FAAH2: variants seen among roughly 807,000 people sequenced by gnomAD.
FAAH2 encodes fatty acid amide hydrolase 2, also known as fatty-acid amide hydrolase 2.
A neutral mutation model predicts 36.9 loss-of-function variants in FAAH2; 60 were observed. The ratio of observed to expected loss-of-function variants is 1.63; its 90% CI spans 1.32 to 2.02. The LOEUF (loss-of-function observed/expected upper bound fraction) is 2.02, where lower values mean the gene tolerates loss of function less well. FAAH2 is among the 30% of genes most tolerant of loss of function. The probability of loss-of-function intolerance (pLI) is 0.00; values close to 1 mark genes in which losing one functional copy is unlikely to be tolerated. For synonymous variants in FAAH2, 214 were observed against 143.8 expected (o/e 1.49, Z -3.49); for missense variants, 689 against 397.5 (o/e 1.73, Z -6.23).
At chrX:57,415,098 T>A (rs918219356) in intron 7 of FAAH2, among the ~76,000 whole-genome samples, 1 of 110,359 alleles carries the variant, frequency 9.1e-6, no homozygotes, top group Non-Finnish European at 1.9e-5. Flanking sequence ...TTTTATTGCA[T>A]CTACTTGATT....
At chrX:57,276,357 G>T in the FAAH2 span, among the ~76,000 whole-genome samples, 1 of 111,827 alleles carries the variant, frequency 8.9e-6, no homozygotes, top group African/African-American at 3.3e-5. Context: ...CAGAAATAAA[G>T]ATGTTCTCTG....
intron 3 of FAAH2, among the ~76,000 whole-genome samples, chrX:57,330,568 T>G (rs775044369): frequency 9.0e-6 from 1 of 111,128 alleles, no homozygotes; most frequent in East Asian, 2.9e-4. Flanking sequence ...TGTTGTGAAG[T>G]AGGTGATCTT....
At chrX:57,363,846 G>C (rs1307170659) in intron 5 of FAAH2, among the ~76,000 whole-genome samples, 2 of 110,666 alleles carry the variant, frequency 1.8e-5, no homozygotes, top group African/African-American at 6.6e-5. Context: ...AAGGAAATCT[G>C]TTTATGTGGT....
At chrX:57,135,127 T>TC in the FAAH2 span, 2 of 112,078 alleles carry the variant, frequency 1.8e-5, no homozygotes, top group Non-Finnish European at 3.7e-5. Flanking sequence ...TTTGAATTCC[T>TC]CCTTCCTCAG....
intron 5 of FAAH2, among the ~76,000 whole-genome samples, chrX:57,347,886 G>A (rs1027377349): frequency 1.8e-5 from 2 of 109,860 alleles, no homozygotes; most frequent in Non-Finnish European, 3.8e-5. Flanking sequence ...CTAGTAAATG[G>A]CATATAATGG....
In FAAH2 at chrX:57,436,913, A is replaced by G. The variant is rs755368007; in HGVS notation, c.1116+4876A>G. Among the ~76,000 whole-genome samples, 7 of 111,249 alleles carry G rather than the reference A, an allele frequency of 6.3e-5. No homozygotes were observed. In the East Asian group the frequency reaches 1.4e-3, roughly 22 times the overall value. On this transcript the variant is annotated intron_variant, in intron 8 of 10. Coordinates refer to ENST00000374900, the MANE Select transcript of FAAH2 (RefSeq NM_174912.4). ...ACTATCACCCTGATACCAAAACCAT[A>G]CAAGAACACAACAACCACAGAAAAA...
At chrX:57,327,530 G>A (rs1224089167) in intron 3 of FAAH2, among the ~76,000 whole-genome samples, 2 of 109,513 alleles carry the variant, frequency 1.8e-5, no homozygotes, top group African/African-American at 6.7e-5. Flanking sequence ...TTGGATGCTG[G>A]TTCATTTCTT....
At chrX:57,126,255 G>A in the FAAH2 span, among the ~76,000 whole-genome samples, 6 of 112,338 alleles carry the variant, frequency 5.3e-5, no homozygotes, top group African/African-American at 1.9e-4. Flanking sequence ...TGTATGGCTA[G>A]AAAGGTTTAT....
chrX:57,181,844 T>C, the FAAH2 span, among the ~76,000 whole-genome samples: 1 of 111,932 alleles, frequency 8.9e-6, no homozygotes, highest in Non-Finnish European at 1.9e-5. Context: ...AGGGCTGCAA[T>C]AATCAAAACT....
intron 7 of FAAH2, among the ~76,000 whole-genome samples, chrX:57,428,155 T>C (rs1602629528): frequency 9.0e-6 from 1 of 111,653 alleles, no homozygotes; most frequent in East Asian, 2.8e-4. Flanking sequence ...ACAATAGCTG[T>C]AAAAATAAAA....
At chrX:57,289,786 AT>A (rs1183310639) in intron 1 of FAAH2, among the ~76,000 whole-genome samples, 5 of 111,279 alleles carry the variant, frequency 4.5e-5, no homozygotes, top group African/African-American at 1.6e-4. Flanking sequence ...GTACTGAACA[AT>A]GAATATAATA....
At chrX:57,161,421 C>G in the FAAH2 span, among the ~76,000 whole-genome samples, 1 of 110,712 alleles carries the variant, frequency 9.0e-6, no homozygotes, top group Non-Finnish European at 1.9e-5. Context: ...TCCTTGTTAA[C>G]TTTCTGTCTT....
At chrX:57,314,410 A>G (rs2052778899) in intron 3 of FAAH2, among the ~76,000 whole-genome samples, 1 of 110,844 alleles carries the variant, frequency 9.0e-6, no homozygotes, top group East Asian at 2.8e-4. Context: ...TCTACAAAAT[A>G]CTCCACCCAA....
the FAAH2 span, among the ~76,000 whole-genome samples, chrX:57,172,296 T>C: frequency 1.8e-5 from 2 of 111,704 alleles, no homozygotes; most frequent in Non-Finnish European, 1.9e-5. Flanking sequence ...GAAATTGAGA[T>C]GGGAAGAGTT....
intron 8 of FAAH2, among the ~76,000 whole-genome samples, chrX:57,444,521 G>A (rs1177801681): frequency 9.0e-6 from 1 of 111,522 alleles, no homozygotes; most frequent in Non-Finnish European, 1.9e-5. Context: ...GCTTCCCTTG[G>A]CTAGGAAAGG....
chrX:57,417,923 C>T (rs1223391470), intron 7 of FAAH2, among the ~76,000 whole-genome samples: 1 of 111,783 alleles, frequency 8.9e-6, no homozygotes. Context: ...TCAGAGATGC[C>T]CTTCCAAGTG....
chrX:57,275,700 T>G, the FAAH2 span, among the ~76,000 whole-genome samples: 1 of 109,667 alleles, frequency 9.1e-6, no homozygotes, highest in Non-Finnish European at 1.9e-5. Flanking sequence ...GGGACACAGA[T>G]AGGCTCAAAA....
the FAAH2 span, among the ~76,000 whole-genome samples, chrX:57,260,823 G>C: frequency 2.3e-4 from 25 of 110,984 alleles, no homozygotes; most frequent in Non-Finnish European, 4.5e-4. Flanking sequence ...CATCAGAAAA[G>C]TGCAAATTAA....
At chrX:57,438,513 C>T (rs2056467303) in intron 8 of FAAH2, among the ~76,000 whole-genome samples, 1 of 110,184 alleles carries the variant, frequency 9.1e-6, no homozygotes, top group South Asian at 3.8e-4. Context: ...CTGCTCTAAG[C>T]AATCTACAGA....
Sources: allele counts gnomAD v4.1 joint callset (sites outside exome capture counted in the v4.1 genomes callset), GRCh38; gene constraint gnomAD v4.1.1; transcripts MANE v1.5; gene names NCBI Gene and HGNC (gene_info 2026-07-23, HGNC 2026-07-21).